Variants in NPC1 observed in about 807,000 individuals in gnomAD.
NPC1 encodes the protein NPC intracellular cholesterol transporter 1.
NPC1 carries 85 observed loss-of-function variants against 140.4 expected under a neutral mutation model. The ratio of observed to expected loss-of-function variants is 0.61; its 90% confidence interval spans 0.51 to 0.72. The LOEUF (loss-of-function observed/expected upper bound fraction) is 0.72, where lower values mean the gene tolerates loss of function less well. Among genes scored for constraint, NPC1 ranks in the 30% least tolerant of loss-of-function variants. NPC1 has a pLI of 0.00. For missense variants in NPC1, 1,504 were observed against 1,623.8 expected (o/e 0.93, Z 1.27); for synonymous variants, 656 against 624.8 (o/e 1.05, Z -0.74).
intron 9 of NPC1, 33 bp from the exon 10 acceptor site, chr18:23,551,760 A>T (rs1211637083): frequency 3.5e-6 from 5 of 1,423,334 alleles, no homozygotes; most frequent in Non-Finnish European, 5.0e-6. Flanking sequence ...CCTCCCAGTT[A>T]GAAGGGCCTC....
chr18:23,517,323 T>G (rs2058034631), downstream of NPC1, among the ~76,000 whole-genome samples: 1 of 152,092 alleles, frequency 6.6e-6, no homozygotes, highest in African/African-American at 2.4e-5. Context: ...CTAATTTTTG[T>G]ATTTTTAGTA....
intron 4 of NPC1, among the ~76,000 whole-genome samples, chr18:23,567,617 A>G (rs541704763): frequency 6.6e-6 from 1 of 152,272 alleles, no homozygotes; most frequent in African/African-American, 2.4e-5. Context: ...ATTTTTCACA[A>G]TCACAATAGT....
Position 23,541,088 on chromosome 18 carries a change from C to T in NPC1, c.2494G>A (p.Asp832Asn). 2 of 1,614,144 alleles carry T rather than the reference C, an allele frequency of 1.2e-6. No individual in the cohort carries two copies. Among genetic ancestry groups the T allele is most frequent in the African/African-American group, 1.3e-5 (1 of 75,026 alleles). The part of the protein sequence containing the change: ...KNSYSPLLLK[D>N]WMRPIVIAIF... ...CATACCACAATTGGTCTCATCCAGT[C>T]CTTTAGCAGAAGTGGAGAATAGGAG... Residue 832 changes from aspartate (D) to asparagine (N), a missense_variant, in exon 16 of 25, where the codon GAC (aspartate) becomes AAC (asparagine). Asp to Asn is a conservative substitution (Grantham distance 23). Transcript: ENST00000269228.
chr18:23,526,704 C>G (rs552795081), downstream of NPC1: 4 of 1,614,104 alleles, frequency 2.5e-6, no homozygotes, highest in Middle Eastern at 3.3e-4. Flanking sequence ...AAGGAAGACT[C>G]ATGGACTTTC....
chr18:23,509,372 T>TATA, intron 3 of NPC1: 1 of 382,230 alleles, frequency 2.6e-6, no homozygotes, highest in Non-Finnish European at 4.4e-6. Flanking sequence ...TATATATATA[T>TATA]TTTAAACATT....
At position 23,532,156 on chromosome 18, in the gene NPC1, C is replaced by T. The variant is rs376559201; in HGVS notation, c.*46G>A. On this transcript the variant is annotated 3_prime_UTR_variant, in exon 25 of 25. Coordinates refer to ENST00000269228, the MANE Select transcript of NPC1 (RefSeq NM_000271.5). ...ATGCAGCACCCGTCCAGTGGTAAAC[C>T]GACCGACCCTTAGACACAGTTCAGT... 90 of 1,613,876 alleles carry T rather than the reference C, an allele frequency of 5.6e-5. No homozygotes were observed. The highest frequency in any genetic ancestry group is 7.5e-5 in the Non-Finnish European group (88 of 1,180,012).
chr18:23,540,145 G>A, intron 17 of NPC1, 144 bp from the exon 18 acceptor site: 1 of 760,228 alleles, frequency 1.3e-6, no homozygotes, highest in African/African-American at 1.7e-5. Context: ...AACACCACCA[G>A]TCTTCCCCCC....
At chr18:23,585,376 C>T (rs1208506684) in intron 1 of NPC1, among the ~76,000 whole-genome samples, 1 of 152,194 alleles carries the variant, frequency 6.6e-6, no homozygotes, top group Admixed American at 6.5e-5. Context: ...CATCACCTAT[C>T]CCCTTCTGAG....
intron 9 of NPC1, among the ~76,000 whole-genome samples, chr18:23,552,291 TA>T (rs531324536): frequency 0.015 from 2,253 of 148,944 alleles, 45 homozygotes; most frequent in African/African-American, 0.052. Flanking sequence ...ATCCCATCTC[TA>T]AAAAAAAAAT....
intron 4 of NPC1, among the ~76,000 whole-genome samples, chr18:23,564,815 T>C (rs2059098868): frequency 6.6e-6 from 1 of 152,210 alleles, no homozygotes; most frequent in African/African-American, 2.4e-5. Flanking sequence ...ATTTAGGTCT[T>C]CGATCCACTT....
intron 2 of NPC1, 107 bp from the exon 3 acceptor site, chr18:23,572,287 A>C (rs1235558920): frequency 1.3e-6 from 1 of 757,820 alleles, no homozygotes; most frequent in Non-Finnish European, 2.3e-6. Flanking sequence ...TTTGAAGTAC[A>C]AAAGGGTAAG....
At position 23,581,090 on chromosome 18, in the gene NPC1, G is replaced by A. The variant is rs2059350425; in HGVS notation, c.57+5197C>T. On this transcript the variant is annotated intron_variant, in intron 1 of 24. Coordinates refer to ENST00000269228, the MANE Select transcript of NPC1 (RefSeq NM_000271.5). ...CCCTTTAGCTTCTGGTTTTTTATGT[G>A]ACTCACCCAAGGTCATATTACTAGT... is the stretch of plus-strand genomic sequence containing the variant. Among the ~76,000 whole-genome samples, 3 of 152,270 alleles carry A rather than the reference G, an allele frequency of 2.0e-5. No individual in the cohort carries two copies. In the South Asian group the frequency reaches 6.2e-4, roughly 32 times the overall value.
chr18:23,519,527 A>G (rs953462156), downstream of NPC1, among the ~76,000 whole-genome samples: 102 of 152,236 alleles, frequency 6.7e-4, 1 homozygote, highest in South Asian at 1.7e-3. Context: ...CCGAAAAAAA[A>G]AAAAAATTGG....
downstream of NPC1, among the ~76,000 whole-genome samples, chr18:23,517,844 A>G (rs2058049789): frequency 1.3e-5 from 2 of 152,068 alleles, no homozygotes; most frequent in African/African-American, 4.8e-5. Context: ...CAGTCTCCCA[A>G]GTAGCTGGGA....
In NPC1 at chr18:23,535,665, A is replaced by G. The variant is rs1338658857; in HGVS notation, c.3281T>C (p.Ile1094Thr). 1.9e-6 allele frequency: 3 copies of G among 1,614,078 alleles called. No individual in the cohort carries two copies. The highest frequency in any genetic ancestry group is 1.1e-5 in the South Asian group (1 of 91,064). The stretch of plus-strand genomic sequence containing the variant: ...GAGGTTGAAGATAGTGTCGTCAATG[A>G]TGGTCAGGTACTGTTCGTAGAAGAC... The part of the protein sequence containing the change: ...FYVFYEQYLT[I>T]IDDTIFNLGV... The change falls in exon 22 of 25, where the codon ATC (isoleucine) becomes ACC (threonine). Residue 1094 changes from isoleucine to threonine, a missense_variant. Ile to Thr is a moderately conservative substitution (Grantham distance 89, BLOSUM62 -1). Coordinates refer to ENST00000269228, the MANE Select transcript of NPC1 (RefSeq NM_000271.5).
In NPC1 at chr18:23,563,249, A is replaced by G. The variant is rs114392958; in HGVS notation, c.464-1722T>C. On this transcript the variant is annotated intron_variant, in intron 4 of 24. Coordinates refer to ENST00000269228, the MANE Select transcript of NPC1 (RefSeq NM_000271.5). ...GAACAACATTTCATTGCAAGGACAT[A>G]TGTTTTGTTTATCCATATATCAGGT... 8.6e-3 allele frequency among the ~76,000 whole-genome samples: 1,314 copies of G among 152,326 alleles called. 27 individuals are homozygous for G. The highest frequency in any genetic ancestry group is 0.029 in the African/African-American group (1,224 of 41,578).
At chr18:23,534,238 A>G in intron 23 of NPC1, 4 of 631,636 alleles carry the variant, frequency 6.3e-6, no homozygotes, top group Non-Finnish European at 1.1e-5. Context: ...GCTTCAGCAC[A>G]CTGCCACCTA....
At chr18:23,509,201 T>TGCC in intron 3 of NPC1, 1 of 1,395,906 alleles carries the variant, frequency 7.2e-7, no homozygotes, top group Non-Finnish European at 9.4e-7. Context: ...AGACTAAGAA[T>TGCC]GCCAACATTC....
chr18:23,533,726 G>C (rs562198340), intron 23 of NPC1: 1 of 556,636 alleles, frequency 1.8e-6, no homozygotes, highest in Non-Finnish European at 3.2e-6. Flanking sequence ...CCATGGTCTC[G>C]AACCCCTGGC....
Sources: allele counts gnomAD v4.1 joint callset (sites outside exome capture counted in the v4.1 genomes callset), GRCh38; gene constraint gnomAD v4.1.1; transcripts MANE v1.5; gene names NCBI Gene and HGNC (gene_info 2026-07-23, HGNC 2026-07-21).